The following CALN1 variants were observed in gnomAD, a reference collection of about 807,000 sequenced individuals.
CALN1 encodes calcium-binding protein 8.
Under a neutral mutation model 30.6 loss-of-function variants are expected in CALN1, and 17 were observed. The observed-to-expected ratio is 0.56, with a 90% CI of 0.38 to 0.83. The LOEUF is 0.83. Among genes scored for constraint, CALN1 ranks in the 40% least tolerant of loss-of-function variants. CALN1 has a pLI of 0.00. For missense variants in CALN1, 291 were observed against 354.9 expected, an observed-to-expected ratio of 0.82 and a Z score of 1.45; for synonymous variants, 156 against 131.4, an observed-to-expected ratio of 1.19 and a Z score of -1.28.
chr7:72,200,575 TG>T (rs1791348411), intron 3 of CALN1, among the ~76,000 whole-genome samples: 1 of 151,936 alleles, frequency 6.6e-6, no homozygotes. Flanking sequence ...ATGGAGCTGG[TG>T]GGGTGGAGCT....
At chr7:72,394,075 T>C (rs1805757802) in intron 2 of CALN1, among the ~76,000 whole-genome samples, 1 of 152,160 alleles carries the variant, frequency 6.6e-6, no homozygotes, top group African/African-American at 2.4e-5. Flanking sequence ...GATCAGAATT[T>C]CTTAGCTAAG....
chr7:71,990,002 C>G (rs866396931), intron 5 of CALN1, among the ~76,000 whole-genome samples: 55 of 152,194 alleles, frequency 3.6e-4, no homozygotes, highest in African/African-American at 1.3e-3. Flanking sequence ...TGAATAGGGG[C>G]TGGATAAAAT....
intron 6 of CALN1, among the ~76,000 whole-genome samples, chr7:71,795,266 C>A (rs994665646): frequency 1.3e-5 from 2 of 152,050 alleles, no homozygotes; most frequent in African/African-American, 4.8e-5. Context: ...GTGATCCATC[C>A]GCCTCGGCCT....
intron 3 of CALN1, among the ~76,000 whole-genome samples, chr7:72,228,818 C>A (rs1793874290): frequency 6.6e-6 from 1 of 151,436 alleles, no homozygotes; most frequent in South Asian, 2.1e-4. Flanking sequence ...CTGGAGTGCA[C>A]TGATGCAATC....
chr7:72,337,093 C>T (rs1341370089), intron 2 of CALN1: 2 of 985,698 alleles, frequency 2.0e-6, no homozygotes, highest in Non-Finnish European at 2.4e-6. Context: ...AGCCCATGTG[C>T]GCGGCTGCCT....
Position 71,889,287 on chromosome 7 carries a change from G to A in CALN1, c.502-78795C>T, listed in dbSNP as rs536523365. ...CCTTCTTCCTGCGTCCTCATGTGGT[G>A]GAAGGCAAGCTCCCTTGGGGCTCTT... On this transcript the variant is annotated intron_variant, in intron 5 of 6. Coordinates refer to ENST00000395275, the MANE Select transcript of CALN1 (RefSeq NM_031468.4). Among the ~76,000 whole-genome samples the A allele has an allele frequency of 3.9e-5, 6 of 152,276 alleles. No individual in the cohort carries two copies. In the South Asian group the frequency reaches 1.2e-3, roughly 32 times the overall value.
At chr7:71,923,888 G>A (rs1286042007) in intron 5 of CALN1, among the ~76,000 whole-genome samples, 1 of 152,048 alleles carries the variant, frequency 6.6e-6, no homozygotes, top group African/African-American at 2.4e-5. Flanking sequence ...CCAGAAGTTT[G>A]CAGTCCAAGA....
At chr7:72,279,379 T>A (rs943916277) in intron 2 of CALN1, among the ~76,000 whole-genome samples, 1 of 152,192 alleles carries the variant, frequency 6.6e-6, no homozygotes, top group Non-Finnish European at 1.5e-5. Context: ...CCAAACCTGG[T>A]TGAGATGCAG....
chr7:71,865,285 G>GT (rs1469107054), intron 5 of CALN1, among the ~76,000 whole-genome samples: 1 of 152,090 alleles, frequency 6.6e-6, no homozygotes, highest in African/African-American at 2.4e-5. Context: ...AGATCTGATT[G>GT]TTTAACAATG....
At chr7:72,440,309 T>TA (rs1022834054) in intron 1 of CALN1, among the ~76,000 whole-genome samples, 6 of 152,178 alleles carry the variant, frequency 3.9e-5, no homozygotes, top group African/African-American at 7.2e-5. Context: ...AGAGCACTGG[T>TA]AAATTTTTTT....
At chr7:72,294,894 A>C (rs1183648895) in intron 2 of CALN1, among the ~76,000 whole-genome samples, 1 of 152,166 alleles carries the variant, frequency 6.6e-6, no homozygotes, top group Non-Finnish European at 1.5e-5. Flanking sequence ...GTATTAGGCT[A>C]TGAAGGCTAA....
At chr7:72,453,279 G>A in the CALN1 span, among the ~76,000 whole-genome samples, 3 of 152,244 alleles carry the variant, frequency 2.0e-5, no homozygotes, top group South Asian at 6.2e-4. Flanking sequence ...GACTGCTCCT[G>A]CATAGCAGGG....
chr7:72,271,575 A>AAAAAAAAAAAAAATATATATAT, intron 3 of CALN1, among the ~76,000 whole-genome samples: 33 of 52,110 alleles, frequency 6.3e-4, no homozygotes, highest in African/African-American at 2.4e-3. Flanking sequence ...AAAAAAAAAA[A>AAAAAAAAAAAAAATATATATAT]ATATATATAT....
chr7:72,008,645 A>T (rs994029186), intron 5 of CALN1, among the ~76,000 whole-genome samples: 4 of 150,106 alleles, frequency 2.7e-5, no homozygotes, highest in Non-Finnish European at 4.4e-5. Context: ...CCATGGTATG[A>T]GAAGACTTTC....
the CALN1 span, among the ~76,000 whole-genome samples, chr7:72,453,396 C>A: frequency 6.6e-6 from 1 of 152,184 alleles, no homozygotes; most frequent in East Asian, 1.9e-4. Flanking sequence ...TCAGAAGTTT[C>A]TAGAAAAGGG....
chr7:71,917,829 T>C (rs1324943038), intron 5 of CALN1, among the ~76,000 whole-genome samples: 1 of 152,212 alleles, frequency 6.6e-6, no homozygotes, highest in Non-Finnish European at 1.5e-5. Context: ...GCCAAACCGT[T>C]ACAATTGTGA....
intron 3 of CALN1, among the ~76,000 whole-genome samples, chr7:72,140,276 AAGAGAGAGAGAG>A (rs71069028): frequency 1.2e-4 from 14 of 119,958 alleles, no homozygotes; most frequent in South Asian, 3.0e-4. Context: ...GTCTCAAAAT[AAGAGAGAGAGAG>A]AGAGAGAGAG....
At chr7:72,275,438 T>C (rs1418095332) in intron 3 of CALN1, among the ~76,000 whole-genome samples, 1 of 152,172 alleles carries the variant, frequency 6.6e-6, no homozygotes, top group Non-Finnish European at 1.5e-5. Context: ...TGCTCTAAAA[T>C]CAGAACACAT....
intron 2 of CALN1, among the ~76,000 whole-genome samples, chr7:72,381,173 G>A (rs1322520285): frequency 6.6e-6 from 1 of 152,204 alleles, no homozygotes; most frequent in East Asian, 1.9e-4. Context: ...ATTAAATTAT[G>A]CAGAGCAAAG....
Sources: gnomAD v4.1 joint callset for allele counts (sites outside exome capture counted in the v4.1 genomes callset) on GRCh38, gnomAD v4.1.1 for gene constraint, MANE v1.5 for transcripts, NCBI Gene and HGNC (gene_info 2026-07-23, HGNC 2026-07-21) for gene names.